BTD: variants seen among roughly 807,000 people sequenced by gnomAD.
BTD encodes the protein biotinidase.
In BTD, 13 loss-of-function variants were observed where a neutral mutation model predicts 17.7. That is an observed-to-expected ratio of 0.74 (90% CI 0.48 to 1.17). The LOEUF (loss-of-function observed/expected upper bound fraction) is 1.17. BTD is among the 50% of genes most tolerant of loss of function. The probability of loss-of-function intolerance (pLI) is 0.00; values close to 1 mark genes in which losing one functional copy is unlikely to be tolerated. For missense variants in BTD, 674 were observed against 650.4 expected, an observed-to-expected ratio of 1.04 and a Z score of -0.39; for synonymous variants, 240 against 245.2, an observed-to-expected ratio of 0.98 and a Z score of 0.20.
chr3:15,665,730 G>T (rs1187186476), intron 3 of BTD, among the ~76,000 whole-genome samples: 1 of 152,238 alleles, frequency 6.6e-6, no homozygotes, highest in Non-Finnish European at 1.5e-5. Flanking sequence ...ATGGCCAGTG[G>T]AGTGTTGGCA....
At chr3:15,605,929 G>C (rs1396750752) in intron 1 of BTD, among the ~76,000 whole-genome samples, 1 of 151,200 alleles carries the variant, frequency 6.6e-6, no homozygotes, top group African/African-American at 2.4e-5. Context: ...TGTAATCCCA[G>C]CTATTCGGGA....
chr3:15,646,304 C>G lies in BTD; in HGVS notation c.*816C>G, dbSNP rs978948279. On this transcript the variant is annotated 3_prime_UTR_variant, in exon 4 of 4. Transcript: ENST00000643237. ...CAGGGACCTTAATAAATCACGGTAG[C>G]TTTGGGCAAGAGTTGGGCACGTTGC... 3 of 152,266 alleles carry G rather than the reference C, an allele frequency of 2.0e-5. No homozygotes were observed. The highest frequency in any genetic ancestry group is 1.3e-4 in the Admixed American group (2 of 15,286). 9.4% of individuals were successfully genotyped at this position (152,266 alleles called of 1,614,324 possible). A position where few individuals can be genotyped will look rare whatever the true frequency, so the allele number is the denominator to read the frequency against.
At chr3:15,674,031 G>A (rs2066648227) in intron 3 of BTD, among the ~76,000 whole-genome samples, 1 of 151,436 alleles carries the variant, frequency 6.6e-6, no homozygotes, top group African/African-American at 2.4e-5. Context: ...AATTAGCTAG[G>A]CCTGGTGATG....
At chr3:15,658,023 C>A (rs1010346489), downstream of BTD, among the ~76,000 whole-genome samples, 1 of 152,028 alleles carries the variant, frequency 6.6e-6, no homozygotes, top group Non-Finnish European at 1.5e-5. Context: ...CGAAAGTTAG[C>A]TGGGCATGGT....
At chr3:15,689,963 T>A in intron 3 of BTD, 2 of 1,429,476 alleles carry the variant, frequency 1.4e-6, no homozygotes, top group South Asian at 1.4e-5. Flanking sequence ...TATCAGAAAT[T>A]GAAAAAAAGT....
rs760612966 is a variant in BTD, at chr3:15,644,982, C to A, written c.1066C>A (p.Gln356Lys). The change falls in exon 4 of 4, where the codon CAG (glutamine) becomes AAG (lysine). Residue 356 changes from glutamine (Q) to lysine (K), a missense_variant. Gln to Lys is a moderately conservative substitution (Grantham distance 53). Transcript: ENST00000643237. ...CGATCCGTACTGTGAGAAGGATGCTCAGGAAGTCCACTGTGATGAGGCCAC... is the reference window on the plus strand; with the variant it reads ...CGATCCGTACTGTGAGAAGGATGCTAAGGAAGTCCACTGTGATGAGGCCAC... ...SGDPYCEKDA[Q>K]EVHCDEATKW... 6.2e-7 allele frequency: 1 copy of A among 1,614,068 alleles called. No individual in the cohort carries two copies. The highest frequency in any genetic ancestry group is 8.5e-7 in the Non-Finnish European group (1 of 1,180,050).
downstream of BTD, among the ~76,000 whole-genome samples, chr3:15,657,743 C>T (rs1007020269): frequency 2.6e-5 from 4 of 151,592 alleles, no homozygotes; most frequent in African/African-American, 9.7e-5. Context: ...ATGGACTGTT[C>T]GAGGGCACCT....
At position 15,649,407 on chromosome 3, in the gene BTD, G is replaced by T. The variant is rs2065763991; in HGVS notation, c.*3919G>T. On this transcript the variant is annotated 3_prime_UTR_variant, in exon 4 of 4. Coordinates refer to ENST00000643237, the MANE Select transcript of BTD (RefSeq NM_001370658.1). The stretch of plus-strand genomic sequence containing the variant: ...TGCTCCCTATGGAAAGAGACAGAGG[G>T]TGTTAGATGCCCAGAGGTGAACCTC... Among the ~76,000 whole-genome samples, 1 of 152,244 alleles carries T rather than the reference G, an allele frequency of 6.6e-6. No homozygotes were observed. Among genetic ancestry groups the T allele is most frequent in the African/African-American group, 2.4e-5 (1 of 41,458 alleles).
At chr3:15,688,039 A>G (rs571498476) in intron 3 of BTD, among the ~76,000 whole-genome samples, 101 of 152,334 alleles carry the variant, frequency 6.6e-4, no homozygotes, top group African/African-American at 2.4e-3. Flanking sequence ...TTTATTGAAT[A>G]GATAGGCACT....
chr3:15,689,599 C>T (rs931236029), intron 3 of BTD, among the ~76,000 whole-genome samples: 6 of 152,306 alleles, frequency 3.9e-5, no homozygotes, highest in Middle Eastern at 3.4e-3. Context: ...TTCTTAAACA[C>T]TTGTGTGGGA....
chr3:15,712,260 C>G, exon 4 of BTD: 1 of 1,479,530 alleles, frequency 6.8e-7, no homozygotes, highest in African/African-American at 1.4e-5. Flanking sequence ...TTCATTTTAA[C>G]ACAAGAAAAA....
At chr3:15,682,885 C>A (rs145603726) in intron 3 of BTD, among the ~76,000 whole-genome samples, 3 of 152,318 alleles carry the variant, frequency 2.0e-5, no homozygotes, top group African/African-American at 7.2e-5. Flanking sequence ...TCAAATTCAG[C>A]ATCACCACAA....
chr3:15,657,208 C>T (rs2065880575), downstream of BTD, among the ~76,000 whole-genome samples: 1 of 152,204 alleles, frequency 6.6e-6, no homozygotes, highest in Non-Finnish European at 1.5e-5. Context: ...GCACTTCTGC[C>T]ATATTCTATC....
intron 1 of BTD, among the ~76,000 whole-genome samples, chr3:15,625,705 G>A (rs977470570): frequency 1.3e-5 from 2 of 151,998 alleles, no homozygotes; most frequent in African/African-American, 2.4e-5. Context: ...ACAGGCACCC[G>A]CCCCCTCGCC....
chr3:15,603,387 G>A (rs567251397), intron 1 of BTD, among the ~76,000 whole-genome samples: 82 of 152,364 alleles, frequency 5.4e-4, no homozygotes, highest in African/African-American at 1.7e-3. Context: ...GCTGGGCGCA[G>A]TGGCTCACAC....
intron 1 of BTD, 168 bp downstream of exon 1, chr3:15,602,062 C>A (rs2064275059): frequency 1.4e-6 from 2 of 1,450,584 alleles, no homozygotes; most frequent in African/African-American, 2.8e-5. Flanking sequence ...TGCTGCTGTG[C>A]TACCGCGTTG....
At chr3:15,696,301 G>A (rs2069542497) in intron 3 of BTD, 1 of 1,103,930 alleles carries the variant, frequency 9.1e-7, no homozygotes, top group Admixed American at 2.9e-5. Flanking sequence ...ATTAACCAAT[G>A]ATAAAAAGAG....
intron 1 of BTD, among the ~76,000 whole-genome samples, chr3:15,612,880 TGGTC>T (rs2125360865): frequency 6.6e-6 from 1 of 152,302 alleles, no homozygotes; most frequent in South Asian, 2.1e-4. Flanking sequence ...GCTGACCTCA[TGGTC>T]TCATCTGAGG....
Position 15,635,724 on chromosome 3 carries a change from A to G in BTD, c.249+36A>G. 1 of 1,613,634 alleles carries G rather than the reference A, an allele frequency of 6.2e-7. No homozygotes were observed. The highest frequency in any genetic ancestry group is 8.5e-7 in the Non-Finnish European group (1 of 1,179,976). On this transcript the variant is annotated intron_variant, in intron 2 of 3. Transcript: ENST00000643237. This position sits in a 1 kb window ranked among gnomAD's most constrained non-coding sequence, Gnocchi z 4.1. ...TCCTCGGAACCTGAGTTTCTCTCAT[A>G]CAGAGCAGATTGCTCTTTACCCCTT...
Sources: allele counts gnomAD v4.1 joint callset (sites outside exome capture counted in the v4.1 genomes callset), GRCh38; gene constraint gnomAD v4.1.1; non-coding constraint Gnocchi (gnomAD v3.1); transcripts MANE v1.5; gene names NCBI Gene and HGNC (gene_info 2026-07-23, HGNC 2026-07-21).